Variants in MSL2 observed in about 807,000 individuals in gnomAD.
The protein encoded by MSL2 is MSL complex subunit 2, also known as E3 ubiquitin-protein ligase MSL2.
In MSL2, 2 loss-of-function variants were observed where a neutral mutation model predicts 35.8. The observed-to-expected ratio is 0.06, with a 90% CI of 0.02 to 0.18. The LOEUF (loss-of-function observed/expected upper bound fraction) is 0.18, where lower values mean the gene tolerates loss of function less well. MSL2 is among the 10% of genes least tolerant of loss of function. The pLI is 1.00. For synonymous variants in MSL2, 296 were observed against 255.7 expected (o/e 1.16, Z -1.50); for missense variants, 523 against 706.7 (o/e 0.74, Z 2.95).
In MSL2 at chr3:136,150,544, A is replaced by G. The variant is rs1244575136; in HGVS notation, c.*603T>C. 1 of 152,708 alleles carries G rather than the reference A, an allele frequency of 6.5e-6. No homozygotes were observed. Among genetic ancestry groups the G allele is most frequent in the African/African-American group, 2.4e-5 (1 of 41,446 alleles). 9.5% of individuals were successfully genotyped at this position (152,708 alleles called of 1,614,324 possible). A position where few individuals can be genotyped will look rare whatever the true frequency, so the allele number is the denominator to read the frequency against. On this transcript the variant is annotated 3_prime_UTR_variant, in exon 2 of 2. Transcript: ENST00000309993. ...TAGTCTGACAGAATTTTACTTTTTA[A>G]AAAGATTTCTTAAACATTCTAATGA...
chr3:136,173,677 ATCAAT>A (rs1244000730), intron 1 of MSL2, among the ~76,000 whole-genome samples: 2 of 152,128 alleles, frequency 1.3e-5, no homozygotes, highest in Non-Finnish European at 2.9e-5. Flanking sequence ...GCCTTACCTA[ATCAAT>A]TCATCTTCCA....
chr3:136,180,070 A>AAAAAT (rs1291974830), intron 1 of MSL2, among the ~76,000 whole-genome samples: 5 of 152,172 alleles, frequency 3.3e-5, no homozygotes, highest in Non-Finnish European at 5.9e-5. Flanking sequence ...GTCTCAAAAA[A>AAAAAT]AAAATAAAAA....
At position 136,151,951 on chromosome 3, in the gene MSL2, A is replaced by T. The variant is rs1051542912; in HGVS notation, c.930T>A (p.Ser310=). Residue 310 remains serine (S), a synonymous_variant, in exon 2 of 2, where the codon TCT becomes TCA. Transcript: ENST00000309993. This position sits in a 1 kb window ranked among gnomAD's most constrained non-coding sequence, Gnocchi z 5.2. ...TGGACATAAAAACATTATGGCTAAG[A>T]GACTGGGAAGAAAGCTGCAGAAAAG... ...NGPFLQLSSQ[S]LSHNVFMSTS... 9.9e-6 allele frequency: 16 copies of T among 1,614,120 alleles called. No individual in the cohort carries two copies. The highest frequency in any genetic ancestry group is 1.3e-5 in the Non-Finnish European group (15 of 1,180,050).
Position 136,151,306 on chromosome 3 carries a change from G to T in MSL2, c.1575C>A (p.Leu525=), listed in dbSNP as rs1337865985. ...TGCTAGTCACGTTAATGCCCAAAGT[G>T]AGCCTGGTCTGCTCCAAGGCCTTTT... ...VPEKALEQTR[L]TLGINVTSIA... Residue 525 remains leucine, a synonymous_variant, in exon 2 of 2, where the codon CTC becomes CTA. Transcript: ENST00000309993. The surrounding 1 kb of genome is among the most constrained non-coding windows in gnomAD (Gnocchi z 5.2). 1 of 1,614,236 alleles carries T rather than the reference G, an allele frequency of 6.2e-7. No individual in the cohort carries two copies. The highest frequency in any genetic ancestry group is 1.1e-5 in the South Asian group (1 of 91,092).
rs775250284 is a variant in MSL2, at chr3:136,195,142, G to A, written c.-29C>T. The A allele has an allele frequency of 2.5e-5, 39 of 1,567,582 alleles. No homozygotes were observed. Among genetic ancestry groups the A allele is most frequent in the South Asian group, 2.0e-4 (17 of 85,454 alleles). On this transcript the variant is annotated 5_prime_UTR_variant, in exon 1 of 2. Coordinates refer to ENST00000309993, the MANE Select transcript of MSL2 (RefSeq NM_018133.4). Reference sequence around the variant, plus strand: ...AGACACTTCGACACCAATGGCTCCCGGTTGAAAAGAAATTCCGGATCCAAC... The same window carrying A: ...AGACACTTCGACACCAATGGCTCCCAGTTGAAAAGAAATTCCGGATCCAAC...
chr3:136,161,606 A>G (rs1377886413), intron 1 of MSL2, among the ~76,000 whole-genome samples: 1 of 152,216 alleles, frequency 6.6e-6, no homozygotes, highest in African/African-American at 2.4e-5. Context: ...AAGCAGATAC[A>G]AGAGTACATT....
intron 1 of MSL2, among the ~76,000 whole-genome samples, chr3:136,191,971 T>C (rs1940702385): frequency 6.6e-6 from 1 of 152,116 alleles, no homozygotes; most frequent in South Asian, 2.1e-4. Flanking sequence ...GAGGCTGTCA[T>C]AAACACCTAC....
chr3:136,190,527 A>G (rs965858958), intron 1 of MSL2, among the ~76,000 whole-genome samples: 1 of 151,482 alleles, frequency 6.6e-6, no homozygotes, highest in South Asian at 2.1e-4. Flanking sequence ...CCTGGGTGAC[A>G]AAACAAGATT....
Position 136,151,606 on chromosome 3 carries a change from T to C in MSL2, c.1275A>G (p.Pro425=). The stretch of plus-strand genomic sequence containing the variant: ...CTGCTTTGTCTTTTTTAAGAATACC[T>C]GGCTTGGTTTTAGAGTGAGATTTCT... ...GSKKSHSKTK[P]GILKKDKAVK... Residue 425 remains proline (P), a synonymous_variant, in exon 2 of 2, where the codon CCA becomes CCG. Coordinates refer to ENST00000309993, the MANE Select transcript of MSL2 (RefSeq NM_018133.4). The surrounding 1 kb of genome is among the most constrained non-coding windows in gnomAD (Gnocchi z 5.2). 1 of 1,614,204 alleles carries C rather than the reference T, an allele frequency of 6.2e-7. No individual in the cohort carries two copies. Among genetic ancestry groups the C allele is most frequent in the South Asian group, 1.1e-5 (1 of 91,084 alleles).
Position 136,194,954 on chromosome 3 carries a change from CAATA to C in MSL2, c.142+14_142+17del. On this transcript the variant is annotated intron_variant, in intron 1 of 1. Coordinates refer to ENST00000309993, the MANE Select transcript of MSL2 (RefSeq NM_018133.4). The stretch of plus-strand genomic sequence containing the variant: ...TTAAAAACAAGCATTGAAAAGGGAA[CAATA>C]AAAAGCGTCTCACCGCAAACACAGC... 1.9e-6 allele frequency: 3 copies of C among 1,613,298 alleles called. No homozygotes were observed. The highest frequency in any genetic ancestry group is 2.5e-6 in the Non-Finnish European group (3 of 1,179,848).
chr3:136,194,993 A>C lies in MSL2; in HGVS notation c.121T>G (p.Ser41Ala). The C allele has an allele frequency of 1.2e-6, 2 of 1,613,816 alleles. No homozygotes were observed. Among genetic ancestry groups the C allele is most frequent in the Non-Finnish European group, 1.7e-6 (2 of 1,179,948 alleles). ...INRLLPYFRQ[S>A]LSCCVCGHLL... ...TCACCGCAAACACAGCACGAAAGGG[A>C]CTGTCGGAAGTAAGGCAAGAGCCTG... The change falls in exon 1 of 2, where the codon TCC (serine) becomes GCC (alanine). Residue 41 changes from serine (S) to alanine (A), a missense_variant. Physicochemically the swap from Ser to Ala is moderately conservative, Grantham distance 99. This residue lies in a region of MSL2 where 41 missense variants were observed against 83.3 expected (regional missense o/e 0.49). Coordinates refer to ENST00000309993, the MANE Select transcript of MSL2 (RefSeq NM_018133.4).
At chr3:136,194,943 T>G (rs1486323479) in intron 1 of MSL2, 29 bp downstream of exon 1, 3 of 1,612,396 alleles carry the variant, frequency 1.9e-6, no homozygotes, top group East Asian at 2.2e-5. Flanking sequence ...AAACAAGCAT[T>G]GAAAAGGGAA....
Position 136,150,575 on chromosome 3 carries a change from A to C in MSL2, c.*572T>G, listed in dbSNP as rs1464524789. The C allele has an allele frequency of 6.6e-6, 1 of 152,558 alleles. No individual in the cohort carries two copies. Among genetic ancestry groups the C allele is most frequent in the Non-Finnish European group, 1.5e-5 (1 of 68,054 alleles). 9.5% of individuals were successfully genotyped at this position (152,558 alleles called of 1,614,324 possible). ...TTTCTTAAACATTCTAATGAGGGGG[A>C]ATTTTTTTTCATAATACTGCTGATT... On this transcript the variant is annotated 3_prime_UTR_variant, in exon 2 of 2. Transcript: ENST00000309993.
At chr3:136,180,800 G>GGGAA (rs1940328786) in intron 1 of MSL2, among the ~76,000 whole-genome samples, 6 of 49,522 alleles carry the variant, frequency 1.2e-4, no homozygotes, top group African/African-American at 4.7e-4. Context: ...GAGGGAGGGA[G>GGGAA]GGAGGGAGGG....
chr3:136,167,130 C>A (rs746726842), intron 1 of MSL2, among the ~76,000 whole-genome samples: 3 of 151,972 alleles, frequency 2.0e-5, no homozygotes, highest in Non-Finnish European at 1.5e-5. Context: ...TAAAAATAAA[C>A]CTGTGAACAC....
In MSL2 at chr3:136,159,354, CTTTTTTTTTTTT is replaced by C. The variant is rs71157361; in HGVS notation, c.143-6628_143-6617del. Reference sequence around the variant, plus strand: ...TTCAATGGGGAAAGGAGAGTACTTTCTTTTTTTTTTTTTTTTTTTTTTTTTTTGAGACGGATT... The same window carrying C: ...TTCAATGGGGAAAGGAGAGTACTTTCTTTTTTTTTTTTTTTGAGACGGATT... On this transcript the variant is annotated intron_variant, in intron 1 of 1. Transcript: ENST00000309993. Among the ~76,000 whole-genome samples the C allele has an allele frequency of 2.1e-4, 15 of 70,066 alleles. No homozygotes were observed. In the South Asian group the frequency reaches 6.8e-3, roughly 32 times the overall value. The allele number at this position is 70,066 out of a possible 152,430, so 46.0% of individuals were successfully genotyped here. A position where few individuals can be genotyped will look rare whatever the true frequency, so the allele number is the denominator to read the frequency against.
At position 136,181,130 on chromosome 3, in the gene MSL2, C is replaced by T. The variant is rs998216679; in HGVS notation, c.142+13842G>A. Among the ~76,000 whole-genome samples, 18 of 151,124 alleles carry T rather than the reference C, an allele frequency of 1.2e-4. No individual in the cohort carries two copies. In the East Asian group the frequency reaches 3.1e-3, roughly 26 times the overall value. On this transcript the variant is annotated intron_variant, in intron 1 of 1. Coordinates refer to ENST00000309993, the MANE Select transcript of MSL2 (RefSeq NM_018133.4). Reference sequence around the variant, plus strand: ...ATTGCGCCACTGCACTCCAACCTGGCGACAGAGTAAAACTCTGTCTCAAAA... The same window carrying T: ...ATTGCGCCACTGCACTCCAACCTGGTGACAGAGTAAAACTCTGTCTCAAAA...
intron 1 of MSL2, among the ~76,000 whole-genome samples, chr3:136,181,096 T>C (rs1044634411): frequency 2.6e-5 from 4 of 151,646 alleles, no homozygotes; most frequent in African/African-American, 9.7e-5. Context: ...GAGGTTGCAG[T>C]GAGGTGAGAT....
chr3:136,150,964 G>C lies in MSL2; in HGVS notation c.*183C>G. 1.6e-6 allele frequency: 1 copy of C among 628,502 alleles called. No homozygotes were observed. Among genetic ancestry groups the C allele is most frequent in the South Asian group, 2.1e-5 (1 of 47,844 alleles). The allele number at this position is 628,502 out of a possible 1,614,324, so 38.9% of individuals were successfully genotyped here. ...TAAGAACTAAGGACATATAGTTGTA[G>C]GGTTACTCCTCCATTATCTGCAAAC... On this transcript the variant is annotated 3_prime_UTR_variant, in exon 2 of 2. Transcript: ENST00000309993.
Sources: allele counts gnomAD v4.1 joint callset (sites outside exome capture counted in the v4.1 genomes callset), GRCh38; gene constraint gnomAD v4.1.1; regional missense constraint gnomAD v4.1.1; non-coding constraint Gnocchi (gnomAD v3.1); transcripts MANE v1.5; gene names NCBI Gene and HGNC (gene_info 2026-07-23, HGNC 2026-07-21).